The following PPRC1 variants were observed in gnomAD, a reference collection of about 807,000 sequenced individuals.
The protein encoded by PPRC1 is PPARG related coactivator 1, also known as peroxisome proliferator-activated receptor gamma coactivator-related protein 1.
PPRC1 carries 23 observed loss-of-function variants against 132.5 expected under a neutral mutation model. That is an observed-to-expected ratio of 0.17 (90% confidence interval 0.12 to 0.25). The LOEUF (loss-of-function observed/expected upper bound fraction) is 0.25, where lower values mean the gene tolerates loss of function less well. Ranked by LOEUF, PPRC1 falls within the 10% of genes least tolerant of loss-of-function variation. The pLI is 1.00. For synonymous variants in PPRC1, 872 were observed against 833.5 expected, an observed-to-expected ratio of 1.05 and a Z score of -0.80; for missense variants, 2,006 against 2,089.1, an observed-to-expected ratio of 0.96 and a Z score of 0.78.
Position 102,141,150 on chromosome 10 carries a change from TC to T in PPRC1, c.2645del (p.Pro882LeufsTer64). On this transcript the variant is annotated frameshift_variant, in exon 5 of 14. Coordinates refer to ENST00000278070, the MANE Select transcript of PPRC1 (RefSeq NM_015062.5). LOFTEE classifies it high-confidence loss of function. ...TPPSMSAALP[F>X]PAGGLGMPPS... ...CCCTCGATGTCTGCTGCCCTGCCTT[TC>T]CCTGCAGGTGGGCTTGGCATGCCCC... 1 of 1,613,962 alleles carries T rather than the reference TC, an allele frequency of 6.2e-7. No homozygotes were observed. The highest frequency in any genetic ancestry group is 8.5e-7 in the Non-Finnish European group (1 of 1,179,932).
rs1318309378 is a variant in PPRC1, at chr10:102,142,014, A to G, written c.3496+10A>G. 6.3e-7 allele frequency: 1 copy of G among 1,596,548 alleles called. No individual in the cohort carries two copies. The highest frequency in any genetic ancestry group is 8.6e-7 in the Non-Finnish European group (1 of 1,169,376). On this transcript the variant is annotated intron_variant, in intron 5 of 13. Transcript: ENST00000278070. ...TTCATCAGTGAGATTGGTGAGTGACACACAGTTCCCCCATGTAGTCCCCAA... is the reference window on the plus strand; with the variant it reads ...TTCATCAGTGAGATTGGTGAGTGACGCACAGTTCCCCCATGTAGTCCCCAA...
chr10:102,143,598 CAAAAAAAAAAA>C (rs774584823), intron 6 of PPRC1, among the ~76,000 whole-genome samples: 3 of 57,908 alleles, frequency 5.2e-5, no homozygotes, highest in African/African-American at 1.8e-4. Context: ...GACTCTGTCT[CAAAAAAAAAAA>C]AAAAAAAAAA....
Position 102,140,987 on chromosome 10 carries a change from G to T in PPRC1, c.2479G>T (p.Ala827Ser). The part of the protein sequence containing the change: ...ICLVPVGPSP[A>S]SPSPEPPVSK... ...CCTTGTGCCTGTAGGTCCCAGCCCT[G>T]CTTCTCCTAGTCCTGAGCCACCTGT... Residue 827 changes from alanine to serine, a missense_variant, in exon 5 of 14, where the codon GCT becomes TCT. Ala to Ser is a moderately conservative substitution (Grantham distance 99). Around this residue, in one of 2 missense-constraint regions of PPRC1, gnomAD observed 1,914 missense variants for 1,917.2 expected, o/e 1.00. Coordinates refer to ENST00000278070, the MANE Select transcript of PPRC1 (RefSeq NM_015062.5). The T allele has an allele frequency of 6.2e-7, 1 of 1,614,006 alleles. No homozygotes were observed.
chr10:102,138,478 C>A, intron 2 of PPRC1, 141 bp from the exon 3 acceptor site: 2 of 1,013,228 alleles, frequency 2.0e-6, no homozygotes, highest in Non-Finnish European at 2.9e-6. Flanking sequence ...GGAATCCATG[C>A]CTTCTGGTAT....
rs372529410 is a variant in PPRC1, at chr10:102,148,475, C to T, written c.4504C>T (p.Arg1502Cys). ...SSSSSSSSRS[R>C]SRSPSPRRRS... ...ATCCTCATCATCCAGTTCTCGAAGC[C>T]GCTCACGATCCCCATCCCCCCGCCG... The change falls in exon 10 of 14, where the codon CGC (arginine) becomes TGC (cysteine). Residue 1502 changes from arginine (R) to cysteine (C), a missense_variant. By Grantham distance (180) the Arg-to-Cys change is radical. This residue lies in a region of PPRC1 where 1,914 missense variants were observed against 1,917.2 expected (regional missense o/e 1.00). Coordinates refer to ENST00000278070, the MANE Select transcript of PPRC1 (RefSeq NM_015062.5). This position sits in a 1 kb window ranked among gnomAD's most constrained non-coding sequence, Gnocchi z 4.2. 16 of 1,612,820 alleles carry T rather than the reference C, an allele frequency of 9.9e-6. No homozygotes were observed. The highest frequency in any genetic ancestry group is 8.0e-5 in the African/African-American group (6 of 74,886).
chr10:102,144,877 T>C, intron 7 of PPRC1, 143 bp from the exon 8 acceptor site: 1 of 680,436 alleles, frequency 1.5e-6, no homozygotes, highest in Non-Finnish European at 2.5e-6. Context: ...AAGACCCTTT[T>C]GTGCAGGAAG....
the PPRC1 span, among the ~76,000 whole-genome samples, chr10:102,127,783 C>T: frequency 6.6e-6 from 1 of 151,668 alleles, no homozygotes; most frequent in Admixed American, 6.6e-5. Context: ...AACTCCTGAG[C>T]TCAGGCAATC....
At chr10:102,130,810 T>C (rs1014147330), upstream of PPRC1, among the ~76,000 whole-genome samples, 2 of 152,048 alleles carry the variant, frequency 1.3e-5, no homozygotes, top group East Asian at 3.9e-4. Flanking sequence ...CCCAACACAT[T>C]GGGAGGCCAA....
intron 2 of PPRC1, 87 bp downstream of exon 2, chr10:102,138,125 C>G: frequency 1.4e-6 from 2 of 1,386,298 alleles, no homozygotes; most frequent in Non-Finnish European, 1.9e-6. Flanking sequence ...CTCTGCTCTC[C>G]CAGGACCTTA....
the PPRC1 span, among the ~76,000 whole-genome samples, chr10:102,120,897 C>G: frequency 6.6e-6 from 1 of 152,302 alleles, no homozygotes; most frequent in Admixed American, 6.5e-5. Flanking sequence ...TGCAGACCCC[C>G]TGTCCGTGCT....
intron 2 of PPRC1, 95 bp downstream of exon 2, chr10:102,138,133 T>A: frequency 7.6e-7 from 1 of 1,312,840 alleles, no homozygotes; most frequent in Non-Finnish European, 1.0e-6. Flanking sequence ...TCCCAGGACC[T>A]TAGCTTCTTC....
chr10:102,131,577 A>G (rs528163499), upstream of PPRC1, among the ~76,000 whole-genome samples: 1 of 152,238 alleles, frequency 6.6e-6, no homozygotes, highest in Non-Finnish European at 1.5e-5. Flanking sequence ...AGATTGCACA[A>G]AAGTGCAAAG....
chr10:102,120,185 C>A, the PPRC1 span: 11 of 1,108,444 alleles, frequency 9.9e-6, no homozygotes, highest in South Asian at 4.3e-4. Flanking sequence ...CGGGCATGAG[C>A]CGCCGCCGCC....
Position 102,147,262 on chromosome 10 carries a change from G to C in PPRC1, c.4270G>C (p.Gly1424Arg), listed in dbSNP as rs747075922. The change falls in exon 9 of 14, where the codon GGC becomes CGC. Residue 1424 changes from glycine (G) to arginine (R), a missense_variant. Coordinates refer to ENST00000278070, the MANE Select transcript of PPRC1 (RefSeq NM_015062.5). Reference sequence around the variant, plus strand: ...AAGCCAGGGCTGGCAGGGCCGCCGAGGCCGCAACAGCCGTTCTGTCAGCTC... The same window carrying C: ...AAGCCAGGGCTGGCAGGGCCGCCGACGCCGCAACAGCCGTTCTGTCAGCTC... ...PSSQGWQGRR[G>R]RNSRSVSSGS... The C allele has an allele frequency of 6.2e-7, 1 of 1,613,074 alleles. No individual in the cohort carries two copies. Among genetic ancestry groups the C allele is most frequent in the Admixed American group, 1.7e-5 (1 of 60,030 alleles).
upstream of PPRC1, among the ~76,000 whole-genome samples, chr10:102,129,468 C>G (rs1260009837): frequency 6.6e-6 from 1 of 152,122 alleles, no homozygotes; most frequent in African/African-American, 2.4e-5. Context: ...AGACACCAGA[C>G]TTAGATGAAT....
the PPRC1 span, among the ~76,000 whole-genome samples, chr10:102,121,902 T>G: frequency 6.6e-6 from 1 of 152,090 alleles, no homozygotes; most frequent in African/African-American, 2.4e-5. Context: ...TGCGGAGGCT[T>G]AAAGTGTTTA....
the PPRC1 span, among the ~76,000 whole-genome samples, chr10:102,121,774 G>C: frequency 7.2e-5 from 11 of 152,132 alleles, no homozygotes; most frequent in African/African-American, 2.7e-4. Flanking sequence ...GCCCTGACTG[G>C]GTAGGGGGTT....
chr10:102,129,536 TTTATA>T (rs1323771195), upstream of PPRC1, among the ~76,000 whole-genome samples: 1 of 152,190 alleles, frequency 6.6e-6, no homozygotes, highest in East Asian at 1.9e-4. Context: ...TCCGCTTTCT[TTTATA>T]TTAGTCTTCC....
Position 102,141,209 on chromosome 10 carries a change from A to G in PPRC1, c.2701A>G (p.Ser901Gly), listed in dbSNP as rs1205818500. 1.2e-6 allele frequency: 2 copies of G among 1,611,500 alleles called. No individual in the cohort carries two copies. The highest frequency in any genetic ancestry group is 1.7e-6 in the Non-Finnish European group (2 of 1,179,122). ...GCCCCCACCTCCCTTGCAGCCTCCT[A>G]GTCTTCCATTGTCTATGGGGCCAGT... ...SLPPPPLQPP[S>G]LPLSMGPVLP... The change falls in exon 5 of 14, where the codon AGT (serine) becomes GGT (glycine). Residue 901 changes from serine (S) to glycine (G), a missense_variant. Transcript: ENST00000278070.
Sources: allele counts gnomAD v4.1 joint callset (sites outside exome capture counted in the v4.1 genomes callset), GRCh38; gene constraint gnomAD v4.1.1; regional missense constraint gnomAD v4.1.1; non-coding constraint Gnocchi (gnomAD v3.1); transcripts MANE v1.5; gene names NCBI Gene and HGNC (gene_info 2026-07-23, HGNC 2026-07-21).